RBFOX1: variants seen among roughly 807,000 people sequenced by gnomAD.
RBFOX1 encodes the protein RNA binding protein fox-1 homolog 1.
In RBFOX1, 8 loss-of-function variants were observed where a neutral mutation model predicts 57.7. The ratio of observed to expected loss-of-function variants is 0.14; its 90% confidence interval spans 0.08 to 0.25. RBFOX1 has a LOEUF of 0.25. Among genes scored for constraint, RBFOX1 ranks in the 10% least tolerant of loss-of-function variants. The pLI, the probability that RBFOX1 is intolerant of heterozygous loss-of-function variation, is 1.00. For missense variants in RBFOX1, 611 were observed against 548.5 expected (o/e 1.11, Z -1.14); for synonymous variants, 326 against 222.4 (o/e 1.47, Z -4.15).
intron 4 of RBFOX1, among the ~76,000 whole-genome samples, chr16:5,937,999 C>T (rs887534283): frequency 6.6e-6 from 1 of 152,062 alleles, no homozygotes; most frequent in South Asian, 2.1e-4. Context: ...ATTTAAATCA[C>T]ATTTAATTTT....
intron 1 of RBFOX1, among the ~76,000 whole-genome samples, chr16:6,278,339 T>C (rs1237658074): frequency 6.9e-6 from 1 of 145,798 alleles, no homozygotes; most frequent in South Asian, 2.2e-4. Flanking sequence ...AGTTATTTTT[T>C]TTTTTCGTCT....
intron 2 of RBFOX1, among the ~76,000 whole-genome samples, chr16:6,603,682 G>A (rs767433004): frequency 6.6e-6 from 1 of 152,172 alleles, no homozygotes; most frequent in Non-Finnish European, 1.5e-5. Flanking sequence ...GAACATTGAG[G>A]ATCCTACCCC....
intron 3 of RBFOX1, among the ~76,000 whole-genome samples, chr16:6,941,828 T>G (rs2078577249): frequency 6.6e-6 from 1 of 152,054 alleles, no homozygotes; most frequent in South Asian, 2.1e-4. Context: ...TGAGCTGCTT[T>G]TTTTTCCCCC....
intron 1 of RBFOX1, among the ~76,000 whole-genome samples, chr16:6,248,219 A>G (rs2097580547): frequency 6.6e-6 from 1 of 152,186 alleles, no homozygotes; most frequent in African/African-American, 2.4e-5. Context: ...AATGTATTTA[A>G]GATTGGAGGC....
At position 6,421,432 on chromosome 16, in the gene RBFOX1, C is replaced by T. The variant is rs185807361; in HGVS notation, c.-64+104375C>T. On this transcript the variant is annotated intron_variant, in intron 2 of 15. Transcript: ENST00000550418. ...CGCGATTTTATTCAAGGAAGTTCTA[C>T]CTTTAAGGAGGTTATGAATTCTGAA... is the stretch of plus-strand genomic sequence containing the variant. Among the ~76,000 whole-genome samples the T allele has an allele frequency of 1.2e-3, 183 of 152,274 alleles. 2 individuals are homozygous for T. The highest frequency in any genetic ancestry group is 0.012 in the Admixed American group (176 of 15,300).
intron 1 of RBFOX1, among the ~76,000 whole-genome samples, chr16:5,378,992 G>A (rs989085200): frequency 4.6e-5 from 7 of 151,370 alleles, no homozygotes; most frequent in Non-Finnish European, 8.8e-5. Context: ...ATCCTTCCTT[G>A]GGCTCAGGAC....
chr16:5,338,429 T>TG (rs1467038561), intron 1 of RBFOX1, among the ~76,000 whole-genome samples: 1 of 152,128 alleles, frequency 6.6e-6, no homozygotes, highest in African/African-American at 2.4e-5. Context: ...GCAGGACAGC[T>TG]GGTTTGCAGA....
chr16:6,298,902 A>C (rs2078457974), intron 1 of RBFOX1, among the ~76,000 whole-genome samples: 1 of 152,170 alleles, frequency 6.6e-6, no homozygotes, highest in Non-Finnish European at 1.5e-5. Context: ...GACATTCCTC[A>C]TGTGGTGCTT....
At chr16:6,017,815 G>C (rs1001390661), upstream of RBFOX1, among the ~76,000 whole-genome samples, 4 of 152,160 alleles carry the variant, frequency 2.6e-5, no homozygotes, top group Non-Finnish European at 4.4e-5. Flanking sequence ...GGAAATACAC[G>C]TACATCTAGT....
chr16:6,545,330 A>G (rs2096879967), intron 2 of RBFOX1, among the ~76,000 whole-genome samples: 1 of 152,164 alleles, frequency 6.6e-6, no homozygotes, highest in African/African-American at 2.4e-5. Context: ...AACGTAAAAT[A>G]AAAACGGATA....
intron 4 of RBFOX1, among the ~76,000 whole-genome samples, chr16:7,261,467 G>C (rs1169285056): frequency 6.6e-6 from 1 of 152,160 alleles, no homozygotes; most frequent in Non-Finnish European, 1.5e-5. Flanking sequence ...GAGTAAGTGA[G>C]TGTATGAGTC....
chr16:6,781,930 T>C (rs2081084420), intron 3 of RBFOX1, among the ~76,000 whole-genome samples: 1 of 152,202 alleles, frequency 6.6e-6, no homozygotes, highest in Admixed American at 6.5e-5. Context: ...TTCTTTTCTT[T>C]GACTAGTTTT....
At chr16:7,159,266 A>G (rs17670111) in intron 4 of RBFOX1, among the ~76,000 whole-genome samples, 33,665 of 149,558 alleles carry the variant, frequency 0.23, 4,618 homozygotes, top group East Asian at 0.41. Flanking sequence ...TTTTCAGTAG[A>G]CACCCTGAGG....
chr16:5,402,329 A>C (rs957862601), intron 1 of RBFOX1, among the ~76,000 whole-genome samples: 5 of 152,178 alleles, frequency 3.3e-5, no homozygotes, highest in Admixed American at 3.3e-4. Context: ...CACCTGGAAG[A>C]CATAGTGCTG....
In RBFOX1 at chr16:6,370,206, A is replaced by G. The variant is rs911816405; in HGVS notation, c.-64+53149A>G. On this transcript the variant is annotated intron_variant, in intron 2 of 15. Coordinates refer to ENST00000550418, the MANE Select transcript of RBFOX1 (RefSeq NM_018723.4). The stretch of plus-strand genomic sequence containing the variant: ...AACCTGTCTCTACTAAAAATACAAA[A>G]AATTAGCTGGGCGGGGTGGCGGGCG... 2.6e-5 allele frequency among the ~76,000 whole-genome samples: 4 copies of G among 151,786 alleles called. No individual in the cohort carries two copies. In the East Asian group the frequency reaches 7.8e-4, roughly 30 times the overall value.
At chr16:5,794,477 A>ACAC (rs376866167) in intron 3 of RBFOX1, among the ~76,000 whole-genome samples, 3,325 of 152,244 alleles carry the variant, frequency 0.022, 109 homozygotes, top group African/African-American at 0.075. Flanking sequence ...TACCAGAGGC[A>ACAC]CACTCACCTT....
At chr16:7,299,697 C>A (rs1603579752) in intron 4 of RBFOX1, among the ~76,000 whole-genome samples, 1 of 152,108 alleles carries the variant, frequency 6.6e-6, no homozygotes, top group South Asian at 2.1e-4. Context: ...CTCAGAGGGA[C>A]CATCAGGGGT....
Position 6,865,001 on chromosome 16 carries a change from T to C in RBFOX1, c.-15-187056T>C, listed in dbSNP as rs1264456818. ...GGAGTGGGTTTTTCTTTTTCTTTTT[T>C]TTTTTTTTTTTTTTTTTTGAGATCG... On this transcript the variant is annotated intron_variant, in intron 3 of 15. Coordinates refer to ENST00000550418, the MANE Select transcript of RBFOX1 (RefSeq NM_018723.4). 6.1e-4 allele frequency among the ~76,000 whole-genome samples: 55 copies of C among 90,732 alleles called. 1 individual carries two copies. The highest frequency in any genetic ancestry group is 7.7e-4 in the Non-Finnish European group (30 of 38,932). The allele number at this position is 90,732 out of a possible 152,430, so 59.5% of individuals were successfully genotyped here. A position where few individuals can be genotyped will look rare whatever the true frequency, so the allele number is the denominator to read the frequency against.
intron 3 of RBFOX1, among the ~76,000 whole-genome samples, chr16:6,972,663 A>G (rs764439135): frequency 6.6e-6 from 1 of 152,078 alleles, no homozygotes; most frequent in Non-Finnish European, 1.5e-5. Flanking sequence ...TGCTTTGGGG[A>G]CAGACAACCT....
Sources: gnomAD v4.1 joint callset for allele counts (sites outside exome capture counted in the v4.1 genomes callset) on GRCh38, gnomAD v4.1.1 for gene constraint, MANE v1.5 for transcripts, NCBI Gene and HGNC (gene_info 2026-07-23, HGNC 2026-07-21) for gene names.